TSPAN13: variants seen among roughly 807,000 people sequenced by gnomAD.
TSPAN13 encodes the protein tetraspanin 13.
Under a neutral mutation model 26.9 loss-of-function variants are expected in TSPAN13, and 18 were observed. The observed-to-expected ratio is 0.67, with a 90% CI of 0.46 to 0.99. TSPAN13 has a LOEUF of 0.99. TSPAN13 is among the 50% of genes least tolerant of loss of function. The pLI, the probability that TSPAN13 is intolerant of heterozygous loss-of-function variation, is 0.00. For synonymous variants in TSPAN13, 116 were observed against 98.4 expected (o/e 1.18, Z -1.06); for missense variants, 201 against 249.6 (o/e 0.81, Z 1.31).
intron 1 of TSPAN13, among the ~76,000 whole-genome samples, chr7:16,762,195 A>G (rs1187285957): frequency 6.6e-6 from 1 of 152,240 alleles, no homozygotes; most frequent in Admixed American, 6.5e-5. Context: ...GAACATCATT[A>G]GGCTGACTTT....
intron 1 of TSPAN13, among the ~76,000 whole-genome samples, chr7:16,770,422 C>T (rs965413177): frequency 2.6e-5 from 4 of 152,168 alleles, no homozygotes; most frequent in Non-Finnish European, 4.4e-5. Flanking sequence ...GTTGGCCAGA[C>T]TGCTCTTGAA....
intron 1 of TSPAN13, among the ~76,000 whole-genome samples, chr7:16,760,373 C>T (rs1159221452): frequency 6.6e-6 from 1 of 152,002 alleles, no homozygotes; most frequent in Non-Finnish European, 1.5e-5. Context: ...GGTAGGGCGA[C>T]CTGATTTACT....
chr7:16,753,987 C>T lies in TSPAN13; in HGVS notation c.20C>T (p.Ala7Val). 2.5e-6 allele frequency: 4 copies of T among 1,613,602 alleles called. No homozygotes were observed. In the South Asian group the frequency reaches 3.3e-5, roughly 13 times the overall value. MVCGGF[A>V]CSKNCLCALN... Reference sequence around the variant, plus strand: ...TCCAAGATGGTTTGCGGGGGCTTCGCGTGTTCCAAGAACTGCCTGTGCGCC... The same window carrying T: ...TCCAAGATGGTTTGCGGGGGCTTCGTGTGTTCCAAGAACTGCCTGTGCGCC... The change falls in exon 1 of 6, where the codon GCG (alanine) becomes GTG (valine). Residue 7 changes from alanine (A) to valine (V), a missense_variant. Coordinates refer to ENST00000262067, the MANE Select transcript of TSPAN13 (RefSeq NM_014399.4).
chr7:16,754,701 C>G (rs991816298), intron 1 of TSPAN13, among the ~76,000 whole-genome samples: 1 of 152,152 alleles, frequency 6.6e-6, no homozygotes. Flanking sequence ...ACCAAGTCCT[C>G]CAGGAAATAA....
At chr7:16,754,691 A>T (rs10233465) in intron 1 of TSPAN13, among the ~76,000 whole-genome samples, 47,271 of 151,934 alleles carry the variant, frequency 0.31, 7,520 homozygotes, top group Admixed American at 0.35. Flanking sequence ...TCCATTTTAA[A>T]CCAAGTCCTC....
Position 16,779,136 on chromosome 7 carries a change from T to C in TSPAN13, c.540+20T>C. The C allele has an allele frequency of 6.4e-7, 1 of 1,567,456 alleles. No individual in the cohort carries two copies. The highest frequency in any genetic ancestry group is 8.7e-7 in the Non-Finnish European group (1 of 1,143,784). Reference sequence around the variant, plus strand: ...ACAGAGGTATGTGCAAATAACAATATTTTTCCTCCTTTGTCACAGAGATTC... The same window carrying C: ...ACAGAGGTATGTGCAAATAACAATACTTTTCCTCCTTTGTCACAGAGATTC... On this transcript the variant is annotated intron_variant, in intron 5 of 5. Coordinates refer to ENST00000262067, the MANE Select transcript of TSPAN13 (RefSeq NM_014399.4).
intron 1 of TSPAN13, among the ~76,000 whole-genome samples, chr7:16,771,345 C>G (rs993961340): frequency 3.9e-5 from 6 of 152,160 alleles, no homozygotes; most frequent in Admixed American, 6.5e-5. Flanking sequence ...GCTAAATAAC[C>G]ACACACTCCA....
At chr7:16,765,724 A>G (rs556627722) in intron 1 of TSPAN13, among the ~76,000 whole-genome samples, 1 of 152,366 alleles carries the variant, frequency 6.6e-6, no homozygotes, top group South Asian at 2.1e-4. Context: ...TAACAGACAC[A>G]TAATTCCTTT....
intron 3 of TSPAN13, among the ~76,000 whole-genome samples, chr7:16,777,372 A>G (rs1784762898): frequency 6.6e-6 from 1 of 152,180 alleles, no homozygotes; most frequent in African/African-American, 2.4e-5. Flanking sequence ...GCTATGGCTA[A>G]AAGATGTTCC....
At chr7:16,771,744 C>G (rs1480230989) in intron 1 of TSPAN13, among the ~76,000 whole-genome samples, 1 of 152,196 alleles carries the variant, frequency 6.6e-6, no homozygotes, top group African/African-American at 2.4e-5. Context: ...TTATTTTAAG[C>G]CACTACACTT....
At chr7:16,771,142 C>CACAT (rs1167248019) in intron 1 of TSPAN13, among the ~76,000 whole-genome samples, 2 of 152,202 alleles carry the variant, frequency 1.3e-5, no homozygotes, top group Non-Finnish European at 2.9e-5. Context: ...CCCACAGCAC[C>CACAT]AGCTGTATGC....
intron 1 of TSPAN13, among the ~76,000 whole-genome samples, chr7:16,772,150 C>T (rs1357930083): frequency 6.6e-6 from 1 of 151,968 alleles, no homozygotes. Context: ...CTCATTTTGC[C>T]GAAACGATGA....
At chr7:16,766,300 CT>C (rs1198225979) in intron 1 of TSPAN13, among the ~76,000 whole-genome samples, 1 of 152,190 alleles carries the variant, frequency 6.6e-6, no homozygotes, top group African/African-American at 2.4e-5. Context: ...TACAGTTTCG[CT>C]GTTGCTGTAA....
At chr7:16,763,225 A>G (rs1784566575) in intron 1 of TSPAN13, among the ~76,000 whole-genome samples, 1 of 152,204 alleles carries the variant, frequency 6.6e-6, no homozygotes, top group South Asian at 2.1e-4. Context: ...AGGAGTGCTC[A>G]TGTTTTTAAA....
At chr7:16,767,962 A>G (rs1175371354) in intron 1 of TSPAN13, among the ~76,000 whole-genome samples, 1 of 151,900 alleles carries the variant, frequency 6.6e-6, no homozygotes, top group Non-Finnish European at 1.5e-5. Flanking sequence ...GCCCAAGCTG[A>G]AGTGCAGTGG....
intron 5 of TSPAN13, among the ~76,000 whole-genome samples, chr7:16,782,568 TA>T (rs1363964807): frequency 6.6e-6 from 1 of 152,206 alleles, no homozygotes; most frequent in Non-Finnish European, 1.5e-5. Flanking sequence ...TTTCTTAATT[TA>T]AAAAACTATA....
chr7:16,755,837 CGAAA>C (rs1562515517), intron 1 of TSPAN13, among the ~76,000 whole-genome samples: 1 of 151,906 alleles, frequency 6.6e-6, no homozygotes, highest in Non-Finnish European at 1.5e-5. Context: ...GAAAGTGAGG[CGAAA>C]GAAAGGTGAT....
chr7:16,777,756 C>T, intron 3 of TSPAN13, 42 bp from the exon 4 acceptor site: 2 of 1,477,760 alleles, frequency 1.4e-6, no homozygotes, highest in Non-Finnish European at 1.9e-6. Flanking sequence ...TATACATTTT[C>T]TGCAGGGATG....
intron 1 of TSPAN13, among the ~76,000 whole-genome samples, chr7:16,771,536 A>C (rs911235984): frequency 4.0e-5 from 6 of 151,188 alleles, no homozygotes; most frequent in Admixed American, 2.0e-4. Context: ...GGTCAGAGTC[A>C]AAAAATGATG....
Sources: gnomAD v4.1 joint callset for allele counts (sites outside exome capture counted in the v4.1 genomes callset) on GRCh38, gnomAD v4.1.1 for gene constraint, MANE v1.5 for transcripts, NCBI Gene and HGNC (gene_info 2026-07-23, HGNC 2026-07-21) for gene names.